IGF2R: variants seen among roughly 807,000 people sequenced by gnomAD.
The protein encoded by IGF2R is cation-independent mannose-6-phosphate receptor.
In IGF2R, 91 loss-of-function variants were observed where a neutral mutation model predicts 270.6. The ratio of observed to expected loss-of-function variants is 0.34; its 90% CI spans 0.28 to 0.40. The LOEUF (loss-of-function observed/expected upper bound fraction) is 0.40, where lower values mean the gene tolerates loss of function less well. IGF2R is among the 10% of genes least tolerant of loss of function. The probability of loss-of-function intolerance (pLI) is 1.00; values close to 1 mark genes in which losing one functional copy is unlikely to be tolerated. For synonymous variants in IGF2R, 1,316 were observed against 1,258.9 expected (o/e 1.05, Z -0.96); for missense variants, 2,805 against 3,188.3 (o/e 0.88, Z 2.90).
At position 160,105,046 on chromosome 6, in the gene IGF2R, T is replaced by C. The variant is rs756581299; in HGVS notation, c.7438T>C (p.Phe2480Leu). The C allele has an allele frequency of 1.9e-6, 3 of 1,609,154 alleles. No individual in the cohort carries two copies. The East Asian group carries it at 6.7e-5, about 36-fold the overall frequency. The change falls in exon 48 of 48, where the codon TTC (phenylalanine) becomes CTC (leucine). Residue 2480 changes from phenylalanine to leucine, a missense_variant. Phe to Leu is a conservative substitution (Grantham distance 22). Transcript: ENST00000356956. ...AGTGAGCTCCACCAAGCTGGTGTCC[T>C]TCCATGACGACAGCGACGAGGACCT... ...KTVSSTKLVS[F>L]HDDSDEDLLH...
intron 4 of IGF2R, among the ~76,000 whole-genome samples, chr6:160,011,675 T>G (rs1341291024): frequency 1.3e-5 from 2 of 151,934 alleles, no homozygotes; most frequent in Non-Finnish European, 2.9e-5. Flanking sequence ...CAGGTCATTC[T>G]TGTTGACTAA....
chr6:159,969,500 C>T (rs1007432253), intron 1 of IGF2R, 105 bp downstream of exon 1: 32 of 863,346 alleles, frequency 3.7e-5, no homozygotes, highest in African/African-American at 5.4e-5. Flanking sequence ...TCCAAGTCGC[C>T]TCCGTTCCGC....
intron 29 of IGF2R, 36 bp downstream of exon 29, chr6:160,064,937 C>A: frequency 1.4e-6 from 2 of 1,380,212 alleles, no homozygotes; most frequent in Non-Finnish European, 2.1e-6. Context: ...TTTGGACAGA[C>A]TAACTTGGTA....
At chr6:160,086,380 C>T (rs958188816) in intron 41 of IGF2R, among the ~76,000 whole-genome samples, 5 of 152,224 alleles carry the variant, frequency 3.3e-5, no homozygotes, top group East Asian at 1.9e-4. Context: ...AGGACAACCA[C>T]GGTGCCCCCA....
rs59215791 is a variant in IGF2R at position 160,000,728 on chromosome 6, G to GTTTTTTTTTTTTTTT, written c.290-8271_290-8257dup. Among the ~76,000 whole-genome samples, 33 of 69,960 alleles carry GTTTTTTTTTTTTTTT rather than the reference G, an allele frequency of 4.7e-4. 2 individuals are homozygous for GTTTTTTTTTTTTTTT. Among genetic ancestry groups the GTTTTTTTTTTTTTTT allele is most frequent in the African/African-American group, 1.7e-3 (28 of 16,726 alleles). 45.9% of individuals were successfully genotyped at this position (69,960 alleles called of 152,430 possible). On this transcript the variant is annotated intron_variant, in intron 2 of 47. Transcript: ENST00000356956. ...GGAAGATAATAGTTGGTGTGAGGTTGTTTTTTTTTTTTTTTTTTTTTTTTT... is the reference window on the plus strand; with the variant it reads ...GGAAGATAATAGTTGGTGTGAGGTTGTTTTTTTTTTTTTTTTTTTTTTTTTTTTTTTTTTTTTTTT...
In IGF2R at chr6:160,064,474, T is replaced by C; in HGVS notation, c.3960T>C (p.His1320=). The change falls in exon 28 of 48, where the codon CAT becomes CAC. Residue 1320 remains histidine, a synonymous_variant. Coordinates refer to ENST00000356956, the MANE Select transcript of IGF2R (RefSeq NM_000876.4). The part of the protein sequence containing the change: ...KMNFTGGDTC[H]KVYQRSTAIF... ...ACTTCACGGGGGGGGACACTTGCCA[T>C]AAGGTTTATCAGCGCTCCACAGCCA... The C allele has an allele frequency of 6.2e-7, 1 of 1,614,150 alleles. No homozygotes were observed. Among genetic ancestry groups the C allele is most frequent in the African/African-American group, 1.3e-5 (1 of 75,040 alleles).
At chr6:160,035,013 C>CT (rs1271035380) in intron 10 of IGF2R, among the ~76,000 whole-genome samples, 1 of 152,154 alleles carries the variant, frequency 6.6e-6, no homozygotes, top group Non-Finnish European at 1.5e-5. Flanking sequence ...GTGCATTTCT[C>CT]TGAGTAATGA....
intron 29 of IGF2R, among the ~76,000 whole-genome samples, chr6:160,066,700 G>A (rs1778592437): frequency 6.6e-6 from 1 of 151,666 alleles, no homozygotes; most frequent in Non-Finnish European, 1.5e-5. Flanking sequence ...AGCTTCTAAT[G>A]GTGTCTGTTG....
chr6:160,096,705 A>C, intron 45 of IGF2R, 80 bp downstream of exon 45: 1 of 1,193,844 alleles, frequency 8.4e-7, no homozygotes. Context: ...TTTTTCCCCA[A>C]TGTTTTCTTG....
At chr6:159,980,105 C>T (rs553135821) in intron 1 of IGF2R, among the ~76,000 whole-genome samples, 4 of 151,788 alleles carry the variant, frequency 2.6e-5, no homozygotes, top group Admixed American at 2.0e-4. Context: ...GGTGTGAACC[C>T]GGGAGGCGGA....
intron 10 of IGF2R, 112 bp from the exon 11 acceptor site, chr6:160,040,447 AT>A: frequency 1.2e-6 from 1 of 859,502 alleles, no homozygotes; most frequent in Admixed American, 2.4e-5. Context: ...CTGGACCTGA[AT>A]TTTTTAACGG....
chr6:160,094,797 C>T (rs1429586627), intron 44 of IGF2R: 2 of 149,668 alleles, frequency 1.3e-5, no homozygotes, highest in Admixed American at 6.8e-5. Context: ...ACTCGGGAGG[C>T]TGAGGCAGGA....
intron 10 of IGF2R, among the ~76,000 whole-genome samples, chr6:160,034,725 C>T (rs776542156): frequency 6.6e-6 from 1 of 152,158 alleles, no homozygotes; most frequent in Non-Finnish European, 1.5e-5. Flanking sequence ...TGGACACACA[C>T]ACATCCTGTT....
intron 7 of IGF2R, among the ~76,000 whole-genome samples, chr6:160,031,525 C>G (rs889086379): frequency 6.6e-6 from 1 of 152,126 alleles, no homozygotes; most frequent in South Asian, 2.1e-4. Flanking sequence ...CTTCCTGTCT[C>G]TGTGGATTGG....
At chr6:160,087,893 C>G (rs1779129660) in intron 41 of IGF2R, 140 bp from the exon 42 acceptor site, 1 of 613,792 alleles carries the variant, frequency 1.6e-6, no homozygotes, top group Non-Finnish European at 3.0e-6. Context: ...TCAGGCTGGT[C>G]TCTAACTCCT....
At chr6:160,041,297 G>T (rs984238067) in intron 11 of IGF2R, among the ~76,000 whole-genome samples, 1 of 152,172 alleles carries the variant, frequency 6.6e-6, no homozygotes, top group Admixed American at 6.5e-5. Flanking sequence ...CAAATTAGGT[G>T]TACAGAAGCC....
At chr6:160,050,000 T>C (rs1778157274) in intron 18 of IGF2R, among the ~76,000 whole-genome samples, 2 of 152,214 alleles carry the variant, frequency 1.3e-5, no homozygotes, top group African/African-American at 2.4e-5. Flanking sequence ...GATTGTTTAT[T>C]GGTAGAAGAG....
At chr6:160,023,214 A>G (rs1220267167) in intron 4 of IGF2R, among the ~76,000 whole-genome samples, 1 of 152,090 alleles carries the variant, frequency 6.6e-6, no homozygotes, top group Non-Finnish European at 1.5e-5. Flanking sequence ...GGTGATAAGT[A>G]GGGAGTGGAT....
At position 160,032,035 on chromosome 6, in the gene IGF2R, TATG is replaced by T. The variant is rs542305662; in HGVS notation, c.883-515_883-513del. On this transcript the variant is annotated intron_variant, in intron 7 of 47. Coordinates refer to ENST00000356956, the MANE Select transcript of IGF2R (RefSeq NM_000876.4). ...ACCCAGGAGCAGGTGTGGGTACAGATATGGTGGTGCCCAGGATCCCAAAGGGGT... is the reference window on the plus strand; with the variant it reads ...ACCCAGGAGCAGGTGTGGGTACAGATGTGGTGCCCAGGATCCCAAAGGGGT... Among the ~76,000 whole-genome samples the T allele has an allele frequency of 3.1e-3, 475 of 152,256 alleles. 2 individuals are homozygous for T. Among genetic ancestry groups the T allele is most frequent in the African/African-American group, 0.011 (444 of 41,546 alleles).
Sources: allele counts gnomAD v4.1 joint callset (sites outside exome capture counted in the v4.1 genomes callset), GRCh38; gene constraint gnomAD v4.1.1; transcripts MANE v1.5; gene names NCBI Gene and HGNC (gene_info 2026-07-23, HGNC 2026-07-21).